OPALIN: variants seen among roughly 807,000 people sequenced by gnomAD.
OPALIN encodes the protein oligodendrocytic myelin paranodal and inner loop protein.
In OPALIN, 15 loss-of-function variants were observed where a neutral mutation model predicts 17.8. The observed-to-expected ratio is 0.84, with a 90% CI of 0.56 to 1.29. OPALIN has a LOEUF of 1.29. Ranked by LOEUF, OPALIN falls within the 50% of genes most tolerant of loss-of-function variation. The probability of loss-of-function intolerance (pLI) is 0.00; values close to 1 mark genes in which losing one functional copy is unlikely to be tolerated. For synonymous variants in OPALIN, 62 were observed against 63.8 expected (o/e 0.97, Z 0.14); for missense variants, 170 against 176.0 (o/e 0.97, Z 0.19).
At chr10:96,350,147 C>T (rs1379142070) in intron 3 of OPALIN, among the ~76,000 whole-genome samples, 1 of 152,158 alleles carries the variant, frequency 6.6e-6, no homozygotes, top group Non-Finnish European at 1.5e-5. Flanking sequence ...AGCTGAGATA[C>T]AATTCAGAGC....
At chr10:96,352,263 T>C (rs1439399903) in intron 2 of OPALIN, among the ~76,000 whole-genome samples, 5 of 152,172 alleles carry the variant, frequency 3.3e-5, no homozygotes, top group Admixed American at 6.5e-5. Flanking sequence ...CTGTTATTTA[T>C]TTAATACTCT....
chr10:96,349,868 G>A, intron 3 of OPALIN, 42 bp from the exon 4 acceptor site: 1 of 1,544,950 alleles, frequency 6.5e-7, no homozygotes, highest in Non-Finnish European at 8.7e-7. Flanking sequence ...GAAGCCCAGA[G>A]TCTTCAATAA....
In OPALIN at chr10:96,343,551, A is replaced by C. The variant is rs1177784050; in HGVS notation, c.*2390T>G. On this transcript the variant is annotated 3_prime_UTR_variant, in exon 6 of 6. Coordinates refer to ENST00000371172, the MANE Select transcript of OPALIN (RefSeq NM_033207.5). ...CTCTGGATGATCAACAATCGGCCCAAGGGCTGACACCTATAAGTATCAAAG... is the reference window on the plus strand; with the variant it reads ...CTCTGGATGATCAACAATCGGCCCACGGGCTGACACCTATAAGTATCAAAG... 6.6e-6 allele frequency: 1 copy of C among 152,238 alleles called. No individual in the cohort carries two copies. The highest frequency in any genetic ancestry group is 1.5e-5 in the Non-Finnish European group (1 of 68,038). The allele number at this position is 152,238 out of a possible 1,614,324, so 9.4% of individuals were successfully genotyped here.
At chr10:96,349,443 T>C (rs1409376369) in intron 4 of OPALIN, among the ~76,000 whole-genome samples, 1 of 152,236 alleles carries the variant, frequency 6.6e-6, no homozygotes, top group Non-Finnish European at 1.5e-5. Flanking sequence ...GCAACAGACA[T>C]CCTTCTCCAC....
chr10:96,354,356 T>C (rs1845714170), intron 2 of OPALIN, among the ~76,000 whole-genome samples: 1 of 152,214 alleles, frequency 6.6e-6, no homozygotes, highest in East Asian at 1.9e-4. Context: ...ACCCAATCAT[T>C]CCCATTTTAG....
At chr10:96,351,257 T>C in intron 3 of OPALIN, 121 bp downstream of exon 3, 1 of 675,376 alleles carries the variant, frequency 1.5e-6, no homozygotes, top group East Asian at 3.0e-5. Context: ...GAATAATTCT[T>C]GAGCCAGATT....
At position 96,357,127 on chromosome 10, in the gene OPALIN, C is replaced by A. The variant is rs911615741; in HGVS notation, c.3+1767G>T. On this transcript the variant is annotated intron_variant, in intron 1 of 5. Coordinates refer to ENST00000371172, the MANE Select transcript of OPALIN (RefSeq NM_033207.5). The stretch of plus-strand genomic sequence containing the variant: ...TCTTCACGCTAGCACCAGACCAACA[C>A]GTGCTGCAAGGACACTGGATGGTCG... 5 of 985,310 alleles carry A rather than the reference C, an allele frequency of 5.1e-6. No homozygotes were observed. The East Asian group carries it at 4.5e-4, about 89-fold the overall frequency. The allele number at this position is 985,310 out of a possible 1,614,324, so 61.0% of individuals were successfully genotyped here. A position where few individuals can be genotyped will look rare whatever the true frequency, so the allele number is the denominator to read the frequency against.
chr10:96,345,611 A>G lies in OPALIN; in HGVS notation c.*330T>C, dbSNP rs980982391. The G allele has an allele frequency of 4.3e-6, 1 of 230,294 alleles. No homozygotes were observed. 14.3% of individuals were successfully genotyped at this position (230,294 alleles called of 1,614,324 possible). On this transcript the variant is annotated 3_prime_UTR_variant, in exon 6 of 6. Transcript: ENST00000371172. ...GCTTTTTTGAGAAAAAGGATATGAA[A>G]AAAAAAGATGAGAAGGCAAGACACT...
intron 4 of OPALIN, among the ~76,000 whole-genome samples, chr10:96,348,730 G>T (rs902682916): frequency 1.3e-4 from 20 of 152,122 alleles, no homozygotes; most frequent in African/African-American, 4.8e-4. Flanking sequence ...TGATTTAATT[G>T]GCTTTGGTGA....
At chr10:96,353,522 G>T in intron 2 of OPALIN, 1 of 1,143,656 alleles carries the variant, frequency 8.7e-7, no homozygotes, top group South Asian at 1.2e-5. Context: ...CAAAATGGTT[G>T]GTTGCTCTAC....
chr10:96,345,825 TA>T lies in OPALIN; in HGVS notation c.*115del. The stretch of plus-strand genomic sequence containing the variant: ...TCAGCCCCAAAGTGTTCCAGAGCTG[TA>T]AATGAAATTTGGATTGATTAAGAAG... On this transcript the variant is annotated 3_prime_UTR_variant, in exon 6 of 6. Coordinates refer to ENST00000371172, the MANE Select transcript of OPALIN (RefSeq NM_033207.5). The T allele has an allele frequency of 1.0e-6, 1 of 987,026 alleles. No individual in the cohort carries two copies. Among genetic ancestry groups the T allele is most frequent in the Non-Finnish European group, 1.5e-6 (1 of 659,058 alleles). 61.1% of individuals were successfully genotyped at this position (987,026 alleles called of 1,614,324 possible). A position where few individuals can be genotyped will look rare whatever the true frequency, so the allele number is the denominator to read the frequency against.
chr10:96,355,616 G>C (rs758020697), intron 1 of OPALIN, among the ~76,000 whole-genome samples: 4 of 152,186 alleles, frequency 2.6e-5, no homozygotes, highest in Non-Finnish European at 5.9e-5. Context: ...TAGAAATTCA[G>C]CAAAAGGCTA....
chr10:96,358,444 A>G (rs1315163620), intron 1 of OPALIN, among the ~76,000 whole-genome samples: 1 of 152,230 alleles, frequency 6.6e-6, no homozygotes, highest in Non-Finnish European at 1.5e-5. Context: ...AGTAAATCAC[A>G]GAACCCTCTT....
chr10:96,349,834 A>G lies in OPALIN; in HGVS notation c.73-8T>C, dbSNP rs756576297. On this transcript the variant is annotated splice_region_variant and splice_polypyrimidine_tract_variant and intron_variant, in intron 3 of 5. Transcript: ENST00000371172. ...AAGAGAGGGCCCACAGTCCTGGCAC[A>G]GAATGAAAAACACAGGGTCAGAGGA... is the stretch of plus-strand genomic sequence containing the variant. 1 of 1,607,866 alleles carries G rather than the reference A, an allele frequency of 6.2e-7. No individual in the cohort carries two copies. Among genetic ancestry groups the G allele is most frequent in the South Asian group, 1.1e-5 (1 of 89,598 alleles).
chr10:96,346,716 A>G (rs1212368999), intron 5 of OPALIN, among the ~76,000 whole-genome samples: 2 of 152,232 alleles, frequency 1.3e-5, no homozygotes, highest in African/African-American at 2.4e-5. Context: ...TTGAAATTAC[A>G]TCTGTTATAT....
intron 2 of OPALIN, 54 bp from the exon 3 acceptor site, chr10:96,351,464 C>T: frequency 1.7e-6 from 2 of 1,160,852 alleles, no homozygotes; most frequent in South Asian, 1.5e-5. Context: ...ATAGAATATA[C>T]ATTATACAAG....
intron 2 of OPALIN, among the ~76,000 whole-genome samples, chr10:96,353,890 C>G (rs763096911): frequency 2.6e-5 from 4 of 152,156 alleles, no homozygotes; most frequent in African/African-American, 4.8e-5. Flanking sequence ...AAGTGCCCCC[C>G]ACCAGAGGCT....
At position 96,345,705 on chromosome 10, in the gene OPALIN, T is replaced by C. The variant is rs1227528402; in HGVS notation, c.*236A>G. On this transcript the variant is annotated 3_prime_UTR_variant, in exon 6 of 6. Coordinates refer to ENST00000371172, the MANE Select transcript of OPALIN (RefSeq NM_033207.5). ...TCCCACTGGGAGCAGGAATAGGATCTAAGGACCCCATCTGGTGAGTCACAT... is the reference window on the plus strand; with the variant it reads ...TCCCACTGGGAGCAGGAATAGGATCCAAGGACCCCATCTGGTGAGTCACAT... 4.9e-6 allele frequency: 2 copies of C among 407,678 alleles called. No individual in the cohort carries two copies. Among genetic ancestry groups the C allele is most frequent in the Non-Finnish European group, 8.6e-6 (2 of 231,336 alleles). 25.3% of individuals were successfully genotyped at this position (407,678 alleles called of 1,614,324 possible).
chr10:96,350,436 T>G (rs1230557873), intron 3 of OPALIN, among the ~76,000 whole-genome samples: 2 of 152,140 alleles, frequency 1.3e-5, no homozygotes, highest in Non-Finnish European at 2.9e-5. Flanking sequence ...GGCTGGTCTC[T>G]AACTCCTGAC....
Sources: gnomAD v4.1 joint callset for allele counts (sites outside exome capture counted in the v4.1 genomes callset) on GRCh38, gnomAD v4.1.1 for gene constraint, MANE v1.5 for transcripts, NCBI Gene and HGNC (gene_info 2026-07-23, HGNC 2026-07-21) for gene names.